The following UBE2K variants were observed in gnomAD, a reference collection of about 807,000 sequenced individuals.
UBE2K encodes the protein ubiquitin conjugating enzyme E2 K, also known as ubiquitin-conjugating enzyme E2 K.
A neutral mutation model predicts 30.0 loss-of-function variants in UBE2K; 6 were observed. The observed-to-expected ratio is 0.20, with a 90% CI of 0.11 to 0.39. The LOEUF (loss-of-function observed/expected upper bound fraction) is 0.39. UBE2K is among the 10% of genes least tolerant of loss of function. The probability of loss-of-function intolerance (pLI) is 1.00; values close to 1 mark genes in which losing one functional copy is unlikely to be tolerated. For synonymous variants in UBE2K, 86 were observed against 83.7 expected, an observed-to-expected ratio of 1.03 and a Z score of -0.15; for missense variants, 61 against 241.6, an observed-to-expected ratio of 0.25 and a Z score of 4.96.
At chr4:39,709,439 G>C (rs1718553768) in intron 1 of UBE2K, among the ~76,000 whole-genome samples, 1 of 152,010 alleles carries the variant, frequency 6.6e-6, no homozygotes. Context: ...TGCAGTTTCA[G>C]TTACCCATTG....
At chr4:39,698,802 G>C (rs527945168) in intron 1 of UBE2K, among the ~76,000 whole-genome samples, 144 of 152,336 alleles carry the variant, frequency 9.5e-4, no homozygotes, top group African/African-American at 3.4e-3. Flanking sequence ...GAGCAGTGCT[G>C]CTCGAAGGCC....
intron 1 of UBE2K, among the ~76,000 whole-genome samples, chr4:39,708,889 A>G (rs1718518979): frequency 6.6e-6 from 1 of 151,608 alleles, no homozygotes; most frequent in African/African-American, 2.4e-5. Context: ...ACAACTTTAC[A>G]GAAGGGGATA....
rs57382171 is a variant in UBE2K at position 39,740,862 on chromosome 4, CAAAAAAAAA to C, written c.157+3361_157+3369del. On this transcript the variant is annotated intron_variant, in intron 2 of 6. Coordinates refer to ENST00000261427, the MANE Select transcript of UBE2K (RefSeq NM_005339.5). ...TGGGCAACAGAGCAAGACTCCGTCT[CAAAAAAAAA>C]AAAAAAAAAAAGATATATTCTTTAT... Among the ~76,000 whole-genome samples, 4 of 69,806 alleles carry C rather than the reference CAAAAAAAAA, an allele frequency of 5.7e-5. No individual in the cohort carries two copies. In the East Asian group the frequency reaches 1.9e-3, roughly 34 times the overall value. The allele number at this position is 69,806 out of a possible 152,430, so 45.8% of individuals were successfully genotyped here.
chr4:39,751,598 T>A (rs1721257466), intron 3 of UBE2K, among the ~76,000 whole-genome samples: 1 of 152,064 alleles, frequency 6.6e-6, no homozygotes, highest in African/African-American at 2.4e-5. Context: ...AGAATTGAGC[T>A]CAGGAGCTCG....
chr4:39,702,432 T>C (rs1300432462), intron 1 of UBE2K, among the ~76,000 whole-genome samples: 1 of 151,840 alleles, frequency 6.6e-6, no homozygotes, highest in Non-Finnish European at 1.5e-5. Context: ...TTTTGTATTT[T>C]AAGTAGAGGC....
At chr4:39,713,039 A>AT (rs1718803017) in intron 1 of UBE2K, among the ~76,000 whole-genome samples, 1 of 151,272 alleles carries the variant, frequency 6.6e-6, no homozygotes, top group South Asian at 2.1e-4. Flanking sequence ...CTAATTTCGT[A>AT]TTTTTAGTAG....
intron 1 of UBE2K, among the ~76,000 whole-genome samples, chr4:39,700,270 T>C (rs1198970019): frequency 6.6e-6 from 1 of 152,188 alleles, no homozygotes; most frequent in Non-Finnish European, 1.5e-5. Context: ...AAAAAAACAC[T>C]GCTCTTTATA....
At chr4:39,772,068 C>G (rs886478830) in intron 4 of UBE2K, among the ~76,000 whole-genome samples, 15 of 152,140 alleles carry the variant, frequency 9.9e-5, no homozygotes, top group Non-Finnish European at 1.9e-4. Flanking sequence ...AACTCCTGGC[C>G]TCAAGTGATC....
chr4:39,750,625 C>T (rs1365712032), intron 3 of UBE2K, among the ~76,000 whole-genome samples: 1 of 151,654 alleles, frequency 6.6e-6, no homozygotes, highest in East Asian at 1.9e-4. Context: ...AACTCATAGC[C>T]TCAAACAGTC....
intron 4 of UBE2K, among the ~76,000 whole-genome samples, chr4:39,758,247 A>G (rs890145803): frequency 1.3e-5 from 2 of 152,142 alleles, no homozygotes; most frequent in Non-Finnish European, 2.9e-5. Context: ...AAACCTCCCA[A>G]CATCTTAACA....
chr4:39,712,364 G>A (rs1052573959), intron 1 of UBE2K, among the ~76,000 whole-genome samples: 6 of 94,868 alleles, frequency 6.3e-5, no homozygotes, highest in Non-Finnish European at 1.2e-4. Context: ...ACTGCGCCCG[G>A]CCAATTTTTT....
intron 4 of UBE2K, among the ~76,000 whole-genome samples, chr4:39,768,490 C>A (rs1486558185): frequency 6.8e-6 from 1 of 147,128 alleles, no homozygotes; most frequent in African/African-American, 2.5e-5. Context: ...AGTAGAAAGA[C>A]AAGAATGAAC....
intron 1 of UBE2K, 48 bp from the exon 2 acceptor site, chr4:39,737,371 CG>C (rs1720436546): frequency 8.6e-7 from 1 of 1,159,762 alleles, no homozygotes; most frequent in Non-Finnish European, 1.2e-6. Context: ...ATACTTTAGG[CG>C]TTTTTCTTGC....
At chr4:39,744,920 A>T (rs1211684292) in intron 2 of UBE2K, among the ~76,000 whole-genome samples, 64 of 150,378 alleles carry the variant, frequency 4.3e-4, no homozygotes, top group African/African-American at 1.5e-3. Flanking sequence ...AAAAAAAAAA[A>T]TAAATTAAAT....
At chr4:39,708,708 C>T (rs1323489593) in intron 1 of UBE2K, among the ~76,000 whole-genome samples, 1 of 152,006 alleles carries the variant, frequency 6.6e-6, no homozygotes, top group Admixed American at 6.6e-5. Context: ...GGCCAAACTT[C>T]TCATCTATAA....
At chr4:39,721,955 G>A (rs1719445015) in intron 1 of UBE2K, among the ~76,000 whole-genome samples, 1 of 152,028 alleles carries the variant, frequency 6.6e-6, no homozygotes, top group African/African-American at 2.4e-5. Context: ...TGGGTGTGGT[G>A]GCATGTGGCT....
In UBE2K at chr4:39,714,542, A is replaced by ATTTTT. The variant is rs1275060030; in HGVS notation, c.63+16153_63+16154insTTTTT. On this transcript the variant is annotated intron_variant, in intron 1 of 6. Coordinates refer to ENST00000261427, the MANE Select transcript of UBE2K (RefSeq NM_005339.5). Reference sequence around the variant, plus strand: ...CATATATATATATATATATATATATATATATATATTTTTTTTTTTTTTTAA... The same window carrying ATTTTT: ...CATATATATATATATATATATATATATTTTTTATATATATTTTTTTTTTTTTTTAA... 51 of 20,190 alleles carry ATTTTT rather than the reference A, an allele frequency of 2.5e-3. 2 individuals are homozygous for ATTTTT. The highest frequency in any genetic ancestry group is 0.013 in the African/African-American group (30 of 2,384). The allele number at this position is 20,190 out of a possible 1,614,324, so 1.3% of individuals were successfully genotyped here. A position where few individuals can be genotyped will look rare whatever the true frequency, so the allele number is the denominator to read the frequency against.
rs1721047883 is a variant in UBE2K at position 39,747,646 on chromosome 4, T to G, written c.216+1836T>G. On this transcript the variant is annotated intron_variant, in intron 3 of 6. Coordinates refer to ENST00000261427, the MANE Select transcript of UBE2K (RefSeq NM_005339.5). ...TTTTTTGTTTTTTTGAGATGGAGTCTTGCTCTGTCTCCCAGGCAGGAGTGC... is the reference window on the plus strand; with the variant it reads ...TTTTTTGTTTTTTTGAGATGGAGTCGTGCTCTGTCTCCCAGGCAGGAGTGC... Among the ~76,000 whole-genome samples, 5 of 152,156 alleles carry G rather than the reference T, an allele frequency of 3.3e-5. 1 individual carries two copies. Among genetic ancestry groups the G allele is most frequent in the Admixed American group, 3.3e-4 (5 of 15,264 alleles).
At chr4:39,717,255 A>G (rs915203229) in intron 1 of UBE2K, among the ~76,000 whole-genome samples, 2 of 147,716 alleles carry the variant, frequency 1.4e-5, no homozygotes, top group South Asian at 2.1e-4. Context: ...TTTTTTTAAG[A>G]TGGACTCTCG....
Sources: gnomAD v4.1 joint callset for allele counts (sites outside exome capture counted in the v4.1 genomes callset) on GRCh38, gnomAD v4.1.1 for gene constraint, MANE v1.5 for transcripts, NCBI Gene and HGNC (gene_info 2026-07-23, HGNC 2026-07-21) for gene names.